The following COL6A3 variants were observed in gnomAD, a reference collection of about 807,000 sequenced individuals.
The protein encoded by COL6A3 is collagen alpha-3(VI) chain.
Under a neutral mutation model 274.1 loss-of-function variants are expected in COL6A3, and 137 were observed. That is an observed-to-expected ratio of 0.50 (90% CI 0.44 to 0.58). COL6A3 has a LOEUF of 0.58. COL6A3 is among the 20% of genes least tolerant of loss of function. COL6A3 has a pLI of 0.00. For synonymous variants in COL6A3, 1,650 were observed against 1,650.6 expected, an observed-to-expected ratio of 1.00 and a Z score of 0.01; for missense variants, 3,950 against 4,124.9, an observed-to-expected ratio of 0.96 and a Z score of 1.16.
Position 237,345,080 on chromosome 2 carries a change from G to A in COL6A3, c.7140C>T (p.Ile2380=). ...TACGGCATTTATCTTTGATGCTTTGGATGAGGGCACATTGCTTTAAAAGAA... is the reference window on the plus strand; with the variant it reads ...TACGGCATTTATCTTTGATGCTTTGAATGAGGGCACATTGCTTTAAAAGAA... ...RGDSIDQCAL[I]QSIKDKCPCC... is the part of the protein sequence containing the mutation. Residue 2380 remains isoleucine (I), a synonymous_variant, in exon 34 of 44, where the codon ATC becomes ATT. Transcript: ENST00000295550. 1.2e-6 allele frequency: 2 copies of A among 1,614,180 alleles called. No individual in the cohort carries two copies. The highest frequency in any genetic ancestry group is 1.7e-6 in the Non-Finnish European group (2 of 1,180,002).
Position 237,364,372 on chromosome 2 carries a change from T to C in COL6A3, c.5895A>G (p.Ala1965=), listed in dbSNP as rs1178925574. 6.2e-7 allele frequency: 1 copy of C among 1,614,078 alleles called. No homozygotes were observed. The highest frequency in any genetic ancestry group is 8.5e-7 in the Non-Finnish European group (1 of 1,179,962). ...TACCTTCTTGGCGGAGGTTCTCAGA[T>C]GCTCTGTGTAAATCAGCCAGATCTC... is the stretch of plus-strand genomic sequence containing the variant. ...ADGDLADLHR[A]SENLRQEGVR... is the part of the protein sequence containing the mutation. Residue 1965 remains alanine, a synonymous_variant, in exon 13 of 44, where the codon GCA becomes GCG. Transcript: ENST00000295550. The surrounding 1 kb of genome is among the most constrained non-coding windows in gnomAD (Gnocchi z 4.6).
intron 3 of COL6A3, among the ~76,000 whole-genome samples, chr2:237,394,374 A>G (rs2078371653): frequency 6.6e-6 from 1 of 152,230 alleles, no homozygotes; most frequent in East Asian, 1.9e-4. Flanking sequence ...TAGTTGTTTA[A>G]AAAAAGACTC....
intron 1 of COL6A3, among the ~76,000 whole-genome samples, chr2:237,400,635 A>C (rs1175740694): frequency 6.6e-6 from 1 of 152,050 alleles, no homozygotes; most frequent in Non-Finnish European, 1.5e-5. Flanking sequence ...TAAAAAAAAA[A>C]CAAAAAACCC....
intron 14 of COL6A3, 100 bp downstream of exon 14, chr2:237,363,153 C>T (rs548274260): frequency 1.1e-5 from 13 of 1,151,132 alleles, no homozygotes; most frequent in East Asian, 4.9e-5. Context: ...GCCCCCCCCC[C>T]ACCTCCATTC....
Position 237,344,685 on chromosome 2 carries a change from C to T in COL6A3, c.7333G>A (p.Val2445Met), listed in dbSNP as rs1448087276. The change falls in exon 36 of 44, where the codon GTG becomes ATG. Residue 2445 changes from valine to methionine, a missense_variant. Around this residue, in one of 5 missense-constraint regions of COL6A3, gnomAD observed 1,284 missense variants for 1,349.7 expected, o/e 0.95. Transcript: ENST00000295550. This position sits in a 1 kb window ranked among gnomAD's most constrained non-coding sequence, Gnocchi z 4.8. Reference protein sequence around the residue: ...AESNCPRGARVAVVTYNNEVT... With the variant: ...AESNCPRGARMAVVTYNNEVT... Reference sequence around the variant, plus strand: ...TCGTTGTTGTAGGTGACCACAGCCACCCGGGCCCCCCGTGGGCAGTTGCTC... The same window carrying T: ...TCGTTGTTGTAGGTGACCACAGCCATCCGGGCCCCCCGTGGGCAGTTGCTC... 2 of 1,610,408 alleles carry T rather than the reference C, an allele frequency of 1.2e-6. No homozygotes were observed. Among genetic ancestry groups the T allele is most frequent in the Non-Finnish European group, 8.5e-7 (1 of 1,177,534 alleles).
intron 42 of COL6A3, chr2:237,326,108 C>A (rs1328451849): frequency 6.0e-6 from 1 of 166,282 alleles, no homozygotes; most frequent in African/African-American, 2.4e-5. Flanking sequence ...AATTTTAAAA[C>A]CTCAGGGTTT....
At chr2:237,345,547 G>A (rs1408515016) in intron 32 of COL6A3, among the ~76,000 whole-genome samples, 1 of 152,176 alleles carries the variant, frequency 6.6e-6, no homozygotes, top group Non-Finnish European at 1.5e-5. Context: ...TCACACGCTT[G>A]ATACGCTGTC....
Position 237,361,186 on chromosome 2 carries a change from T to C in COL6A3, c.6157-12A>G, listed in dbSNP as rs749823675. 1 of 1,613,506 alleles carries C rather than the reference T, an allele frequency of 6.2e-7. No homozygotes were observed. On this transcript the variant is annotated splice_polypyrimidine_tract_variant and intron_variant, in intron 15 of 43. Coordinates refer to ENST00000295550, the MANE Select transcript of COL6A3 (RefSeq NM_004369.4). The surrounding 1 kb of genome is among the most constrained non-coding windows in gnomAD (Gnocchi z 5.1). ...TCTCCAGGAATACCCTGAAACAAAG[T>C]AATCGGGTCCTCTGTTTAATCCCGT...
chr2:237,389,070 G>C (rs998201274), intron 3 of COL6A3, among the ~76,000 whole-genome samples: 2 of 152,008 alleles, frequency 1.3e-5, no homozygotes, highest in African/African-American at 4.8e-5. Flanking sequence ...CATGAGCATC[G>C]AATAAACCCT....
chr2:237,365,385 C>T (rs929337425), intron 12 of COL6A3, among the ~76,000 whole-genome samples: 5 of 152,034 alleles, frequency 3.3e-5, no homozygotes, highest in Admixed American at 2.0e-4. Flanking sequence ...CATGCATGCA[C>T]ACATACACAC....
rs1227168796 is a variant in COL6A3 at position 237,380,921 on chromosome 2, G to A, written c.1891C>T (p.Pro631Ser). Residue 631 changes from proline (P) to serine (S), a missense_variant, in exon 5 of 44, where the codon CCT becomes TCT. Transcript: ENST00000295550. ...LAPLRTLSGT[P>S]EVHSNKRDII... ...GAAGCCATCACCACCATACCTTCAG[G>A]GGTTCCAGAGAGGGTCCTGAGAGGT... The A allele has an allele frequency of 6.2e-7, 1 of 1,613,832 alleles. No homozygotes were observed. Among genetic ancestry groups the A allele is most frequent in the Admixed American group, 1.7e-5 (1 of 60,016 alleles).
At chr2:237,369,671 G>A (rs979014320) in intron 9 of COL6A3, among the ~76,000 whole-genome samples, 1 of 152,190 alleles carries the variant, frequency 6.6e-6, no homozygotes, top group Non-Finnish European at 1.5e-5. Flanking sequence ...AGCATGCTGC[G>A]CAATCTCAGC....
intron 24 of COL6A3, 70 bp from the exon 25 acceptor site, chr2:237,353,473 G>C: frequency 7.3e-7 from 1 of 1,373,296 alleles, no homozygotes; most frequent in South Asian, 1.2e-5. Flanking sequence ...TTGCTCTACA[G>C]TCATTTCTGG....
intron 12 of COL6A3, 93 bp downstream of exon 12, chr2:237,365,605 G>C: frequency 2.8e-6 from 3 of 1,088,334 alleles, no homozygotes; most frequent in Non-Finnish European, 4.3e-6. Context: ...AGTGAAACAT[G>C]AAGAGGATTT....
Position 237,381,079 on chromosome 2 carries a change from A to C in COL6A3, c.1733T>G (p.Met578Arg). The change falls in exon 5 of 44, where the codon ATG (methionine) becomes AGG (arginine). Residue 578 changes from methionine (M) to arginine (R), a missense_variant. Physicochemically the swap from Met to Arg is moderately conservative, Grantham distance 91. Coordinates refer to ENST00000295550, the MANE Select transcript of COL6A3 (RefSeq NM_004369.4). ...ACCCTTGTTCCCAATGGCAAAGGCC[A>C]TTATGCTGCTTCTCTTCAGCTCCTG... The part of the protein sequence containing the change: ...PAQELKRSSI[M>R]AFAIGNKGAD... The C allele has an allele frequency of 6.2e-7, 1 of 1,614,254 alleles. No homozygotes were observed. Among genetic ancestry groups the C allele is most frequent in the Non-Finnish European group, 8.5e-7 (1 of 1,180,052 alleles).
At position 237,354,814 on chromosome 2, in the gene COL6A3, C is replaced by T. The variant is rs2077281867; in HGVS notation, c.6627+85G>A. ...ATCTGTCTCCGAAGCTTTGGGTTCACAGGAGAGAGTGTTTTTCACTCCTGG... is the reference window on the plus strand; with the variant it reads ...ATCTGTCTCCGAAGCTTTGGGTTCATAGGAGAGAGTGTTTTTCACTCCTGG... On this transcript the variant is annotated intron_variant, in intron 24 of 43. Transcript: ENST00000295550. 8.4e-6 allele frequency: 10 copies of T among 1,186,046 alleles called. No individual in the cohort carries two copies. In the Admixed American group the frequency reaches 2.2e-4, roughly 26 times the overall value. The allele number at this position is 1,186,046 out of a possible 1,614,324, so 73.5% of individuals were successfully genotyped here.
At chr2:237,332,117 A>ATATGTGTGTG (rs35490728) in intron 42 of COL6A3, among the ~76,000 whole-genome samples, 10 of 64,170 alleles carry the variant, frequency 1.6e-4, no homozygotes, top group African/African-American at 4.8e-4. Context: ...ATATATATAT[A>ATATGTGTGTG]TGAAAAGAAA....
chr2:237,363,425 G>C, intron 13 of COL6A3, 27 bp from the exon 14 acceptor site: 3 of 1,613,726 alleles, frequency 1.9e-6, no homozygotes, highest in Non-Finnish European at 2.5e-6. Context: ...ATTTAATACA[G>C]CTCACCTAGG....
intron 3 of COL6A3, among the ~76,000 whole-genome samples, chr2:237,392,719 T>A (rs573214631): frequency 7.7e-4 from 118 of 152,376 alleles, no homozygotes; most frequent in African/African-American, 2.7e-3. Flanking sequence ...CCAACATTCC[T>A]ACATGATTTA....
Sources: gnomAD v4.1 joint callset for allele counts (sites outside exome capture counted in the v4.1 genomes callset) on GRCh38, gnomAD v4.1.1 for gene constraint, gnomAD v4.1.1 regional missense constraint, Gnocchi (gnomAD v3.1) non-coding constraint, MANE v1.5 for transcripts, NCBI Gene and HGNC (gene_info 2026-07-23, HGNC 2026-07-21) for gene names.